The following ANKFN1 variants were observed in gnomAD, a reference collection of about 807,000 sequenced individuals.
ANKFN1 encodes ankyrin repeat and fibronectin type III domain containing 1.
Under a neutral mutation model 108.7 loss-of-function variants are expected in ANKFN1, and 74 were observed. The observed-to-expected ratio is 0.68, with a 90% CI of 0.56 to 0.83. The LOEUF (loss-of-function observed/expected upper bound fraction) is 0.83, where lower values mean the gene tolerates loss of function less well. ANKFN1 is among the 40% of genes least tolerant of loss of function. The probability of loss-of-function intolerance (pLI) is 0.00; values close to 1 mark genes in which losing one functional copy is unlikely to be tolerated. For synonymous variants in ANKFN1, 547 were observed against 516.2 expected (o/e 1.06, Z -0.81); for missense variants, 1,505 against 1,382.3 (o/e 1.09, Z -1.41).
At chr17:56,155,998 T>A (rs1909076174) in intron 1 of ANKFN1, among the ~76,000 whole-genome samples, 1 of 152,010 alleles carries the variant, frequency 6.6e-6, no homozygotes, top group Non-Finnish European at 1.5e-5. Flanking sequence ...TGAATCCTGA[T>A]CTTGAGGCTG....
At chr17:56,060,685 T>A (rs1432599168) in intron 4 of ANKFN1, among the ~76,000 whole-genome samples, 1 of 152,228 alleles carries the variant, frequency 6.6e-6, no homozygotes, top group East Asian at 1.9e-4. Context: ...TCTGTTGAGA[T>A]AATCATGTGG....
At chr17:56,090,425 A>G (rs993764369) in intron 4 of ANKFN1, among the ~76,000 whole-genome samples, 3 of 151,250 alleles carry the variant, frequency 2.0e-5, no homozygotes. Flanking sequence ...ACCCCAAACC[A>G]TGATCACCTA....
At chr17:56,222,254 C>G (rs2051746659) in intron 2 of ANKFN1, among the ~76,000 whole-genome samples, 1 of 152,180 alleles carries the variant, frequency 6.6e-6, no homozygotes, top group Admixed American at 6.5e-5. Flanking sequence ...TTGAGGGGTT[C>G]TAGCCTACCA....
intron 19 of ANKFN1, among the ~76,000 whole-genome samples, chr17:56,496,310 A>T (rs1225216696): frequency 6.6e-6 from 1 of 152,176 alleles, no homozygotes; most frequent in Non-Finnish European, 1.5e-5. Flanking sequence ...TAAAGCTGAA[A>T]CAATCTTATC....
At chr17:56,186,294 T>C (rs1157080830) in intron 1 of ANKFN1, among the ~76,000 whole-genome samples, 1 of 151,788 alleles carries the variant, frequency 6.6e-6, no homozygotes, top group African/African-American at 2.4e-5. Context: ...GCCAGCCTTC[T>C]TGAGCATATA....
chr17:56,482,842 T>G (rs983721133), intron 18 of ANKFN1, among the ~76,000 whole-genome samples: 2 of 152,196 alleles, frequency 1.3e-5, no homozygotes, highest in African/African-American at 4.8e-5. Flanking sequence ...GATGTTTTCA[T>G]GAAAAGCACT....
chr17:56,058,871 TGTAAATA>T (rs1904925259), intron 4 of ANKFN1, among the ~76,000 whole-genome samples: 1 of 152,212 alleles, frequency 6.6e-6, no homozygotes, highest in African/African-American at 2.4e-5. Context: ...ACTTTGCTAT[TGTAAATA>T]GTGCTGCAAT....
At chr17:56,155,804 T>C (rs1334180613) in intron 1 of ANKFN1, among the ~76,000 whole-genome samples, 6 of 152,270 alleles carry the variant, frequency 3.9e-5, no homozygotes, top group East Asian at 3.9e-4. Context: ...TGGGAAGCCA[T>C]TGGATAAATT....
intron 1 of ANKFN1, among the ~76,000 whole-genome samples, chr17:56,191,388 A>G: frequency 1.7e-5 from 1 of 58,720 alleles, no homozygotes; most frequent in Non-Finnish European, 2.7e-5. Context: ...TTCCTTCAGG[A>G]GCTATTTTAG....
intron 4 of ANKFN1, among the ~76,000 whole-genome samples, chr17:56,128,819 T>C (rs567410690): frequency 1.2e-3 from 180 of 152,320 alleles, no homozygotes; most frequent in Non-Finnish European, 2.1e-3. Context: ...TATAAACATA[T>C]AAACTCTTGG....
rs544341216 is a variant in ANKFN1, at chr17:56,377,764, G to T, written c.910+3050G>T. On this transcript the variant is annotated intron_variant, in intron 8 of 20. Transcript: ENST00000682825. ...AAGTGATTTTACTGCTCCTTGCAGG[G>T]TTGGGGGATGGTTAGGAAGGCATCC... is the stretch of plus-strand genomic sequence containing the variant. 8.5e-5 allele frequency among the ~76,000 whole-genome samples: 13 copies of T among 152,316 alleles called. No homozygotes were observed. The South Asian group carries it at 2.7e-3, about 32-fold the overall frequency.
chr17:56,120,457 C>G (rs898324265), intron 4 of ANKFN1, among the ~76,000 whole-genome samples: 2 of 152,088 alleles, frequency 1.3e-5, no homozygotes, highest in Non-Finnish European at 2.9e-5. Context: ...TTTAATCCAA[C>G]CCTTAGGATT....
chr17:56,424,599 T>G (rs1241402827), intron 8 of ANKFN1, among the ~76,000 whole-genome samples: 2 of 152,228 alleles, frequency 1.3e-5, no homozygotes, highest in African/African-American at 4.8e-5. Context: ...CTTGGTTGCT[T>G]CATCCCCCAT....
At chr17:56,071,263 C>T (rs1487963595) in intron 4 of ANKFN1, among the ~76,000 whole-genome samples, 1 of 152,148 alleles carries the variant, frequency 6.6e-6, no homozygotes, top group Non-Finnish European at 1.5e-5. Context: ...GCTCTCATTG[C>T]AAAAACTGCC....
intron 4 of ANKFN1, among the ~76,000 whole-genome samples, chr17:56,144,320 G>A (rs1455687810): frequency 6.6e-6 from 1 of 152,182 alleles, no homozygotes; most frequent in Non-Finnish European, 1.5e-5. Flanking sequence ...TACACCACAG[G>A]TTGCACTTTA....
intron 4 of ANKFN1, among the ~76,000 whole-genome samples, chr17:56,112,161 A>AGAAGTCAT (rs768503130): frequency 6.8e-4 from 104 of 152,318 alleles, no homozygotes; most frequent in Non-Finnish European, 1.1e-3. Flanking sequence ...TATTAGAGCA[A>AGAAGTCAT]GAAGTCATTT....
At chr17:56,352,115 C>T (rs879739499) in intron 5 of ANKFN1, among the ~76,000 whole-genome samples, 16 of 152,122 alleles carry the variant, frequency 1.1e-4, no homozygotes, top group African/African-American at 3.1e-4. Flanking sequence ...GTGGTTAAAT[C>T]GGGGCCTAAG....
intron 1 of ANKFN1, among the ~76,000 whole-genome samples, chr17:56,201,671 G>GA (rs200036417): frequency 0.13 from 18,326 of 145,822 alleles, 1,461 homozygotes; most frequent in African/African-American, 0.23. Flanking sequence ...TGTTATTTGT[G>GA]AAAAAAAAAA....
At chr17:56,360,477 T>C (rs1364057373) in intron 6 of ANKFN1, among the ~76,000 whole-genome samples, 1 of 152,214 alleles carries the variant, frequency 6.6e-6, no homozygotes, top group Non-Finnish European at 1.5e-5. Context: ...GCACTGACAA[T>C]TTTTCTCAAT....
Sources: allele counts gnomAD v4.1 joint callset (sites outside exome capture counted in the v4.1 genomes callset), GRCh38; gene constraint gnomAD v4.1.1; transcripts MANE v1.5; gene names NCBI Gene and HGNC (gene_info 2026-07-23, HGNC 2026-07-21).